PEX19: variants seen among roughly 807,000 people sequenced by gnomAD.
PEX19 encodes 33 kDa housekeeping protein.
PEX19 carries 29 observed loss-of-function variants against 36.3 expected under a neutral mutation model. The ratio of observed to expected loss-of-function variants is 0.80; its 90% confidence interval spans 0.60 to 1.09. PEX19 has a LOEUF of 1.09. Ranked by LOEUF, PEX19 falls within the 50% of genes least tolerant of loss-of-function variation. The probability of loss-of-function intolerance (pLI) is 0.00; values close to 1 mark genes in which losing one functional copy is unlikely to be tolerated. For synonymous variants in PEX19, 141 were observed against 135.2 expected (o/e 1.04, Z -0.30); for missense variants, 396 against 368.1 (o/e 1.08, Z -0.62).
At chr1:160,282,246 G>A in intron 4 of PEX19, 46 bp from the exon 5 acceptor site, 1 of 1,593,628 alleles carries the variant, frequency 6.3e-7, no homozygotes. Flanking sequence ...ACCTTCTTGG[G>A]ATGCTCACCA....
At position 160,278,123 on chromosome 1, in the gene PEX19, G is replaced by C. The variant is rs896714388; in HGVS notation, c.*1428C>G. On this transcript the variant is annotated 3_prime_UTR_variant, in exon 8 of 8. Transcript: ENST00000368072. The stretch of plus-strand genomic sequence containing the variant: ...AGGACAGCCAGCTGAGCTGACCAGA[G>C]TACCTACCAACATATGTCAGCCAAG... The C allele has an allele frequency of 4.3e-6, 3 of 702,392 alleles. No individual in the cohort carries two copies. The African/African-American group carries it at 5.2e-5, about 12-fold the overall frequency. The allele number at this position is 702,392 out of a possible 1,614,324, so 43.5% of individuals were successfully genotyped here.
chr1:160,281,597 G>T (rs1011102215), intron 5 of PEX19, among the ~76,000 whole-genome samples: 4 of 152,112 alleles, frequency 2.6e-5, no homozygotes, highest in African/African-American at 9.7e-5. Flanking sequence ...CTACAGACGG[G>T]GTTTCACCAT....
chr1:160,280,258 G>C lies in PEX19; in HGVS notation c.595-12C>G. Reference sequence around the variant, plus strand: ...AACCATTCTGGATACTAAGAAAAGAGAGAATGGGTGGAAAAGAATTAAGTG... The same window carrying C: ...AACCATTCTGGATACTAAGAAAAGACAGAATGGGTGGAAAAGAATTAAGTG... On this transcript the variant is annotated splice_polypyrimidine_tract_variant and intron_variant, in intron 5 of 7. Transcript: ENST00000368072. 1 of 1,610,180 alleles carries C rather than the reference G, an allele frequency of 6.2e-7. No homozygotes were observed. The highest frequency in any genetic ancestry group is 1.7e-5 in the Admixed American group (1 of 60,010).
intron 4 of PEX19, 37 bp downstream of exon 4, chr1:160,282,380 G>A (rs979402401): frequency 6.6e-7 from 1 of 1,519,226 alleles, no homozygotes; most frequent in Non-Finnish European, 9.1e-7. Context: ...ATGTCTGGGA[G>A]TGGACCCCTT....
Position 160,277,243 on chromosome 1 carries a change from TGA to T in PEX19, c.*2306_*2307del, listed in dbSNP as rs1426444116. 3 of 455,656 alleles carry T rather than the reference TGA, an allele frequency of 6.6e-6. No individual in the cohort carries two copies. Among genetic ancestry groups the T allele is most frequent in the East Asian group, 6.9e-5 (1 of 14,398 alleles). The allele number at this position is 455,656 out of a possible 1,614,324, so 28.2% of individuals were successfully genotyped here. On this transcript the variant is annotated 3_prime_UTR_variant, in exon 8 of 8. Transcript: ENST00000368072. The stretch of plus-strand genomic sequence containing the variant: ...GTCTGTGACATGGTGAATTAGAAAT[TGA>T]GAGTGTTTAAAAACTTTTTAGCATT...
chr1:160,279,235 T>G lies in PEX19; in HGVS notation c.*316A>C. ...AGGTGAACATCAGTGTGGCCACATA[T>G]AACATTATTTTGAGAAAGGAAAGAA... On this transcript the variant is annotated 3_prime_UTR_variant, in exon 8 of 8. Coordinates refer to ENST00000368072, the MANE Select transcript of PEX19 (RefSeq NM_002857.4). 1 of 515,940 alleles carries G rather than the reference T, an allele frequency of 1.9e-6. No homozygotes were observed. Among genetic ancestry groups the G allele is most frequent in the African/African-American group, 1.9e-5 (1 of 52,426 alleles). The allele number at this position is 515,940 out of a possible 1,614,324, so 32.0% of individuals were successfully genotyped here.
At position 160,279,093 on chromosome 1, in the gene PEX19, C is replaced by T. The variant is rs1453512387; in HGVS notation, c.*458G>A. 2.2e-6 allele frequency: 1 copy of T among 454,324 alleles called. No homozygotes were observed. The highest frequency in any genetic ancestry group is 2.4e-5 in the Admixed American group (1 of 42,458). The allele number at this position is 454,324 out of a possible 1,614,324, so 28.1% of individuals were successfully genotyped here. A position where few individuals can be genotyped will look rare whatever the true frequency, so the allele number is the denominator to read the frequency against. On this transcript the variant is annotated 3_prime_UTR_variant, in exon 8 of 8. Coordinates refer to ENST00000368072, the MANE Select transcript of PEX19 (RefSeq NM_002857.4). ...GTAGCCCCAGCCCAGGCTGTTTCTCCCCATTCTCAAAGGCTCTGCCAGGAG... is the reference window on the plus strand; with the variant it reads ...GTAGCCCCAGCCCAGGCTGTTTCTCTCCATTCTCAAAGGCTCTGCCAGGAG...
chr1:160,285,015 C>A, intron 1 of PEX19, 40 bp downstream of exon 1: 1 of 1,451,018 alleles, frequency 6.9e-7, no homozygotes, highest in Admixed American at 1.7e-5. Context: ...TGGGTCCTCA[C>A]ACGTGCCCTC....
intron 5 of PEX19, chr1:160,281,046 A>C (rs1194939023): frequency 6.6e-6 from 1 of 152,270 alleles, no homozygotes; most frequent in Non-Finnish European, 1.5e-5. Context: ...GGTGGCTCAC[A>C]CTTGTAATCC....
chr1:160,282,581 T>A, intron 3 of PEX19, 79 bp from the exon 4 acceptor site: 1 of 1,069,546 alleles, frequency 9.3e-7, no homozygotes, highest in African/African-American at 1.5e-5. Context: ...AGCTTGGATA[T>A]GAAGCATTTA....
rs1275839103 is a variant in PEX19 at position 160,282,869 on chromosome 1, A to G, written c.346+75T>C. 3.4e-6 allele frequency: 5 copies of G among 1,491,884 alleles called. No individual in the cohort carries two copies. In the African/African-American group the frequency reaches 6.9e-5, roughly 21 times the overall value. The allele number at this position is 1,491,884 out of a possible 1,614,324, so 92.4% of individuals were successfully genotyped here. ...ATCATGATTGCTATCAACTTCACTA[A>G]GAATTCTGGTGTTTTCAGGCAACAA... On this transcript the variant is annotated intron_variant, in intron 3 of 7. Coordinates refer to ENST00000368072, the MANE Select transcript of PEX19 (RefSeq NM_002857.4).
chr1:160,280,205 T>C lies in PEX19; in HGVS notation c.636A>G (p.Pro212=), dbSNP rs1373502345. Residue 212 remains proline (P), a synonymous_variant, in exon 6 of 8, where the codon CCA becomes CCG. Transcript: ENST00000368072. ...GCTCCTGATATTTTTCAAACTGCTC[T>C]GGAGGTAGAGATTCCCGATGACTCT... ...WLQSHRESLP[P]EQFEKYQEQH... is the part of the protein sequence containing the mutation. 1 of 1,613,960 alleles carries C rather than the reference T, an allele frequency of 6.2e-7. No homozygotes were observed. Among genetic ancestry groups the C allele is most frequent in the East Asian group, 2.2e-5 (1 of 44,902 alleles).
chr1:160,285,026 T>G, intron 1 of PEX19, 29 bp downstream of exon 1: 2 of 1,554,202 alleles, frequency 1.3e-6, no homozygotes, highest in Non-Finnish European at 1.8e-6. Flanking sequence ...ACGTGCCCTC[T>G]TCGGGCCTTT....
Position 160,277,502 on chromosome 1 carries a change from A to AC in PEX19, c.*2048dup. The AC allele has an allele frequency of 2.2e-6, 1 of 455,786 alleles. No homozygotes were observed. Among genetic ancestry groups the AC allele is most frequent in the Non-Finnish European group, 4.4e-6 (1 of 226,802 alleles). The allele number at this position is 455,786 out of a possible 1,614,324, so 28.2% of individuals were successfully genotyped here. ...TGCCCTAGAGTACCATAACTCCACC[A>AC]CAAGTCCTGGAATAATTCCAAAAGT... On this transcript the variant is annotated 3_prime_UTR_variant, in exon 8 of 8. Transcript: ENST00000368072.
At position 160,276,929 on chromosome 1, in the gene PEX19, G is replaced by A. The variant is rs1360800004; in HGVS notation, c.*2622C>T. On this transcript the variant is annotated 3_prime_UTR_variant, in exon 8 of 8. Transcript: ENST00000368072. ...GGAGCAACTCCTTTAAAGTTTGAGAGTCGCATAAATATTTCATATACAGCT... is the reference window on the plus strand; with the variant it reads ...GGAGCAACTCCTTTAAAGTTTGAGAATCGCATAAATATTTCATATACAGCT... The A allele has an allele frequency of 2.2e-5, 10 of 451,398 alleles. No individual in the cohort carries two copies. The East Asian group carries it at 6.3e-4, about 28-fold the overall frequency. The allele number at this position is 451,398 out of a possible 1,614,324, so 28.0% of individuals were successfully genotyped here.
Position 160,282,157 on chromosome 1 carries a change from C to T in PEX19, c.476G>A (p.Gly159Glu). Residue 159 changes from glycine (G) to glutamate (E), a missense_variant, in exon 5 of 8, where the codon GGG becomes GAG. Coordinates refer to ENST00000368072, the MANE Select transcript of PEX19 (RefSeq NM_002857.4). ...SEEELTKAME[G>E]LGMDEGDGEG... The stretch of plus-strand genomic sequence containing the variant: ...CCCATCCCCTTCGTCCATGCCTAGC[C>T]CCTCCATGGCCTTGGTCAGCTCTTC... 1 of 1,614,128 alleles carries T rather than the reference C, an allele frequency of 6.2e-7. No individual in the cohort carries two copies. The highest frequency in any genetic ancestry group is 8.5e-7 in the Non-Finnish European group (1 of 1,180,016).
chr1:160,284,033 C>G (rs569644543), intron 1 of PEX19: 1 of 470,760 alleles, frequency 2.1e-6, no homozygotes, highest in African/African-American at 2.0e-5. Flanking sequence ...TGAACTCACT[C>G]TGGAGCTCTA....
chr1:160,280,731 C>A (rs893714622), intron 5 of PEX19, among the ~76,000 whole-genome samples: 1 of 152,114 alleles, frequency 6.6e-6, no homozygotes, highest in African/African-American at 2.4e-5. Context: ...GTTGCTCAAG[C>A]TGGTCTTAAA....
In PEX19 at chr1:160,277,137, C is replaced by T. The variant is rs760467755; in HGVS notation, c.*2414G>A. 2.2e-5 allele frequency: 10 copies of T among 453,110 alleles called. No individual in the cohort carries two copies. The highest frequency in any genetic ancestry group is 9.3e-5 in the South Asian group (6 of 64,468). 28.1% of individuals were successfully genotyped at this position (453,110 alleles called of 1,614,324 possible). A position where few individuals can be genotyped will look rare whatever the true frequency, so the allele number is the denominator to read the frequency against. On this transcript the variant is annotated 3_prime_UTR_variant, in exon 8 of 8. Coordinates refer to ENST00000368072, the MANE Select transcript of PEX19 (RefSeq NM_002857.4). ...GTTCTGCTAGGGTCTTCAGAGAGAC[C>T]GAGGGCCCCAAAACAGTGCTACTCA... is the stretch of plus-strand genomic sequence containing the variant.
Sources: allele counts gnomAD v4.1 joint callset (sites outside exome capture counted in the v4.1 genomes callset), GRCh38; gene constraint gnomAD v4.1.1; transcripts MANE v1.5; gene names NCBI Gene and HGNC (gene_info 2026-07-23, HGNC 2026-07-21).